GRK5: variants seen among roughly 807,000 people sequenced by gnomAD.
GRK5 encodes the protein g protein-coupled receptor kinase GRK5.
Under a neutral mutation model 78.4 loss-of-function variants are expected in GRK5, and 40 were observed. The observed-to-expected ratio is 0.51, with a 90% confidence interval of 0.40 to 0.66. The LOEUF is 0.66. Ranked by LOEUF, GRK5 falls within the 30% of genes least tolerant of loss-of-function variation. The pLI, the probability that GRK5 is intolerant of heterozygous loss-of-function variation, is 0.00. For missense variants in GRK5, 598 were observed against 759.9 expected (o/e 0.79, Z 2.50); for synonymous variants, 289 against 296.8 (o/e 0.97, Z 0.27).
At chr10:119,276,344 C>T (rs991619735) in intron 1 of GRK5, among the ~76,000 whole-genome samples, 2 of 151,822 alleles carry the variant, frequency 1.3e-5, no homozygotes, top group East Asian at 1.9e-4. Context: ...AATGAGAACA[C>T]GTGGTGTTTG....
intron 4 of GRK5, among the ~76,000 whole-genome samples, chr10:119,400,612 G>A (rs562276493): frequency 6.6e-6 from 1 of 152,326 alleles, no homozygotes; most frequent in South Asian, 2.1e-4. Flanking sequence ...AGTGCTGTGG[G>A]GGTGGGAATG....
At position 119,430,512 on chromosome 10, in the gene GRK5, C is replaced by CCTTTAGGTTGATT; in HGVS notation, c.597+74_597+75insCTTTAGGTTGATT. 4 of 1,446,436 alleles carry CCTTTAGGTTGATT rather than the reference C, an allele frequency of 2.8e-6. No homozygotes were observed. Among genetic ancestry groups the CCTTTAGGTTGATT allele is most frequent in the Non-Finnish European group, 3.8e-6 (4 of 1,041,006 alleles). The allele number at this position is 1,446,436 out of a possible 1,614,324, so 89.6% of individuals were successfully genotyped here. On this transcript the variant is annotated intron_variant, in intron 7 of 15. Transcript: ENST00000392870. The surrounding 1 kb of genome is among the most constrained non-coding windows in gnomAD (Gnocchi z 4.5). ...CCTTTCCTGTCCCTTCTAAATCAAC[C>CCTTTAGGTTGATT]TAAAGGGTTGGCCCACGGGTCCCCC...
At position 119,452,687 on chromosome 10, in the gene GRK5, G is replaced by C. The variant is rs774720604; in HGVS notation, c.1421G>C (p.Cys474Ser). Residue 474 changes from cysteine (C) to serine (S), a missense_variant, in exon 14 of 16, where the codon TGT becomes TCT. Coordinates refer to ENST00000392870, the MANE Select transcript of GRK5 (RefSeq NM_005308.3). The surrounding 1 kb of genome is among the most constrained non-coding windows in gnomAD (Gnocchi z 4.4). Reference sequence around the variant, plus strand: ...CCCTGGCAGCCCCGCGCTGTGTACTGTAAGGACGTGCTGGACATCGAGCAG... The same window carrying C: ...CCCTGGCAGCCCCGCGCTGTGTACTCTAAGGACGTGCTGGACATCGAGCAG... ...PFVPDPRAVY[C>S]KDVLDIEQFS... 1.2e-6 allele frequency: 2 copies of C among 1,614,122 alleles called. No homozygotes were observed. The highest frequency in any genetic ancestry group is 1.1e-5 in the South Asian group (1 of 91,086).
In GRK5 at chr10:119,378,697, G is replaced by A. The variant is rs534104312; in HGVS notation, c.149-2118G>A. 6.6e-5 allele frequency among the ~76,000 whole-genome samples: 10 copies of A among 152,244 alleles called. No homozygotes were observed. The highest frequency in any genetic ancestry group is 1.9e-4 in the African/African-American group (8 of 41,470). On this transcript the variant is annotated intron_variant, in intron 2 of 15. Transcript: ENST00000392870. The surrounding 1 kb of genome is among the most constrained non-coding windows in gnomAD (Gnocchi z 4.5). ...GCGCCTCCGTGGGCTCTCGCTGCGT[G>A]GGGGGAAGGCGGTCTCAGCAGCCCT...
At chr10:119,366,889 G>A (rs913815199) in intron 2 of GRK5, among the ~76,000 whole-genome samples, 3 of 152,212 alleles carry the variant, frequency 2.0e-5, no homozygotes, top group Non-Finnish European at 4.4e-5. Context: ...CAAGAGCTGA[G>A]TTCACATCCC....
chr10:119,213,969 TTTTG>T (rs1848529893), intron 1 of GRK5, among the ~76,000 whole-genome samples: 1 of 151,650 alleles, frequency 6.6e-6, no homozygotes, highest in Middle Eastern at 3.2e-3. Flanking sequence ...TTACATGTTT[TTTTG>T]TTTGTTTTTT....
chr10:119,414,853 A>C (rs1852414333), intron 4 of GRK5, among the ~76,000 whole-genome samples: 2 of 152,042 alleles, frequency 1.3e-5, no homozygotes, highest in Non-Finnish European at 2.9e-5. Flanking sequence ...AGGCTGAGGC[A>C]GGTGGATCAC....
rs1564917017 is a variant in GRK5 at position 119,394,317 on chromosome 10, GGTGT to G, written c.262-2373_262-2370del. On this transcript the variant is annotated intron_variant, in intron 3 of 15. Transcript: ENST00000392870. Reference sequence around the variant, plus strand: ...ATCTGTGTGTCTGTGTGGGCACGTGGGTGTGTGTATCTGTGTGTCTGTGTGTGGG... The same window carrying G: ...ATCTGTGTGTCTGTGTGGGCACGTGGGTGTATCTGTGTGTCTGTGTGTGGG... Among the ~76,000 whole-genome samples the G allele has an allele frequency of 1.3e-3, 27 of 20,418 alleles. 4 individuals are homozygous for G. Among genetic ancestry groups the G allele is most frequent in the Admixed American group, 1.5e-3 (4 of 2,628 alleles). 13.4% of individuals were successfully genotyped at this position (20,418 alleles called of 152,430 possible).
intron 13 of GRK5, among the ~76,000 whole-genome samples, chr10:119,449,939 T>G (rs759518949): frequency 9.9e-5 from 15 of 152,208 alleles, no homozygotes; most frequent in Non-Finnish European, 1.9e-4. Context: ...TCGCCTTGGA[T>G]GCAGTCCCCA....
At position 119,264,134 on chromosome 10, in the gene GRK5, C is replaced by T. The variant is rs1045563093; in HGVS notation, c.52+56165C>T. Among the ~76,000 whole-genome samples the T allele has an allele frequency of 1.3e-5, 2 of 152,100 alleles. No homozygotes were observed. The highest frequency in any genetic ancestry group is 2.9e-5 in the Non-Finnish European group (2 of 68,034). On this transcript the variant is annotated intron_variant, in intron 1 of 15. Coordinates refer to ENST00000392870, the MANE Select transcript of GRK5 (RefSeq NM_005308.3). The surrounding 1 kb of genome is among the most constrained non-coding windows in gnomAD (Gnocchi z 4.1). ...CTATATTTGTTATCAAAATGAGCCA[C>T]GTGCTTGCATGCCACCTTGAATGCT...
At chr10:119,291,611 CCTCTTCTTCCTCCTCTTCCTCCTT>C (rs1372956280) in intron 1 of GRK5, among the ~76,000 whole-genome samples, 2 of 144,952 alleles carry the variant, frequency 1.4e-5, no homozygotes, top group African/African-American at 5.2e-5. Context: ...TCTTCCTCCT[CCTCTTCTTCCTCCTCTTCCTCCTT>C]CTCTTCTTCC....
intron 12 of GRK5, among the ~76,000 whole-genome samples, chr10:119,446,449 C>A (rs1233151263): frequency 6.6e-6 from 1 of 151,184 alleles, no homozygotes; most frequent in Non-Finnish European, 1.5e-5. Context: ...GACACATAGC[C>A]CGGCCCGGCC....
In GRK5 at chr10:119,380,828, C is replaced by T. The variant is rs776005579; in HGVS notation, c.162C>T (p.Cys54=). The T allele has an allele frequency of 1.9e-6, 3 of 1,608,872 alleles. No individual in the cohort carries two copies. The highest frequency in any genetic ancestry group is 4.5e-5 in the East Asian group (2 of 44,818). ...TCTTGTCTCCAGACAGAGATTACTG[C>T]AGTTTATGTGACAAGCAGCCAATCG... ...DLRRTIDRDY[C]SLCDKQPIGR... Residue 54 remains cysteine (C), a synonymous_variant, in exon 3 of 16, where the codon TGC becomes TGT. Transcript: ENST00000392870.
intron 1 of GRK5, among the ~76,000 whole-genome samples, chr10:119,255,398 G>A (rs5788339): frequency 0.013 from 2,047 of 152,270 alleles, 107 homozygotes; most frequent in Admixed American, 0.092. Flanking sequence ...TTGTCACATC[G>A]ACTTCACCTA....
chr10:119,309,090 T>C (rs1850319232), intron 1 of GRK5, among the ~76,000 whole-genome samples: 1 of 152,156 alleles, frequency 6.6e-6, no homozygotes. Context: ...TCTTGCCACA[T>C]CCCTGCAGGG....
intron 2 of GRK5, among the ~76,000 whole-genome samples, chr10:119,359,898 G>A (rs773349940): frequency 9.9e-5 from 15 of 152,140 alleles, no homozygotes; most frequent in East Asian, 1.9e-4. Context: ...GAGTGAGGTC[G>A]TAGTGGGTAC....
chr10:119,272,936 G>C (rs1006232575), intron 1 of GRK5, among the ~76,000 whole-genome samples: 3 of 152,224 alleles, frequency 2.0e-5, no homozygotes, highest in Non-Finnish European at 2.9e-5. Flanking sequence ...CTCTGAGCAG[G>C]CTTCAAGCAG....
In GRK5 at chr10:119,455,067, G is replaced by T; in HGVS notation, c.1773G>T (p.Ter591TyrextTer108). ...GCTCGAACTCCACCGGAAGCAGCTA[G>T]TTTCGGCTCTGGCCTCCAAGTCCAC... ...HVSSNSTGSS[*>Y] The change falls in exon 16 of 16, where the codon TAG (stop) becomes TAT (tyrosine). Residue 591 changes from the stop codon to tyrosine, a stop_lost. Transcript: ENST00000392870. 6 of 1,612,136 alleles carry T rather than the reference G, an allele frequency of 3.7e-6. No homozygotes were observed. The highest frequency in any genetic ancestry group is 5.1e-6 in the Non-Finnish European group (6 of 1,178,186).
At chr10:119,262,755 G>A (rs73450526) in intron 1 of GRK5, among the ~76,000 whole-genome samples, 67 of 152,294 alleles carry the variant, frequency 4.4e-4, no homozygotes, top group African/African-American at 1.5e-3. Flanking sequence ...GCATTGGACA[G>A]GGAGTCAAGG....
Sources: allele counts gnomAD v4.1 joint callset (sites outside exome capture counted in the v4.1 genomes callset), GRCh38; gene constraint gnomAD v4.1.1; non-coding constraint Gnocchi (gnomAD v3.1); transcripts MANE v1.5; gene names NCBI Gene and HGNC (gene_info 2026-07-23, HGNC 2026-07-21).